ADAM22: variants seen among roughly 807,000 people sequenced by gnomAD.
ADAM22 encodes the protein disintegrin and metalloproteinase domain-containing protein 22.
In ADAM22, 65 loss-of-function variants were observed where a neutral mutation model predicts 144.6. The observed-to-expected ratio is 0.45, with a 90% confidence interval of 0.37 to 0.55. The LOEUF (loss-of-function observed/expected upper bound fraction) is 0.55. Among genes scored for constraint, ADAM22 ranks in the 20% least tolerant of loss-of-function variants. The pLI is 0.00. For synonymous variants in ADAM22, 391 were observed against 412.6 expected, an observed-to-expected ratio of 0.95 and a Z score of 0.63; for missense variants, 974 against 1,184.9, an observed-to-expected ratio of 0.82 and a Z score of 2.61.
intron 7 of ADAM22, among the ~76,000 whole-genome samples, chr7:88,122,269 C>A (rs987905057): frequency 2.0e-5 from 3 of 152,148 alleles, no homozygotes; most frequent in African/African-American, 7.2e-5. Context: ...GTAATGAAAG[C>A]CAGTAAGGAA....
chr7:88,140,617 A>C (rs1834330008), intron 14 of ADAM22, among the ~76,000 whole-genome samples: 1 of 152,098 alleles, frequency 6.6e-6, no homozygotes. Flanking sequence ...GAACTTTGGG[A>C]GGATCGCTTG....
chr7:88,163,293 A>G, intron 23 of ADAM22, 113 bp downstream of exon 23: 1 of 863,558 alleles, frequency 1.2e-6, no homozygotes, highest in East Asian at 3.2e-5. Context: ...TCATATTTCT[A>G]GTTGGTATAT....
intron 7 of ADAM22, 69 bp downstream of exon 7, chr7:88,116,883 T>A: frequency 8.5e-7 from 1 of 1,171,478 alleles, no homozygotes; most frequent in Non-Finnish European, 1.2e-6. Flanking sequence ...GCCTTAGAAC[T>A]AATCTATATT....
intron 3 of ADAM22, among the ~76,000 whole-genome samples, chr7:88,014,023 CATCTATG>C (rs1221588438): frequency 6.6e-6 from 1 of 152,172 alleles, no homozygotes; most frequent in Non-Finnish European, 1.5e-5. Context: ...TAAGGAGTAA[CATCTATG>C]AAATCATAGG....
rs1836152788 is a variant in ADAM22 at position 88,145,593 on chromosome 7, A to G, written c.1485+86A>G. 1.9e-5 allele frequency: 20 copies of G among 1,068,754 alleles called. No homozygotes were observed. In the South Asian group the frequency reaches 2.5e-4, roughly 13 times the overall value. 66.2% of individuals were successfully genotyped at this position (1,068,754 alleles called of 1,614,324 possible). A position where few individuals can be genotyped will look rare whatever the true frequency, so the allele number is the denominator to read the frequency against. ...GGCTGGGTAAATATAATCTAATAAC[A>G]GAAATAGTATCTAACATATATTAAA... is the stretch of plus-strand genomic sequence containing the variant. On this transcript the variant is annotated intron_variant, in intron 17 of 31. Transcript: ENST00000413139.
intron 4 of ADAM22, among the ~76,000 whole-genome samples, chr7:88,091,652 A>G (rs1819878214): frequency 6.6e-6 from 1 of 152,206 alleles, no homozygotes. Flanking sequence ...AAATGAAGGC[A>G]CAGAAAGTTT....
intron 20 of ADAM22, among the ~76,000 whole-genome samples, chr7:88,151,779 G>A (rs1838468804): frequency 6.6e-6 from 1 of 152,152 alleles, no homozygotes; most frequent in Non-Finnish European, 1.5e-5. Flanking sequence ...TTAAACTCTA[G>A]TTGGCTTTCC....
At chr7:88,158,615 A>G (rs1840669984) in intron 22 of ADAM22, among the ~76,000 whole-genome samples, 1 of 152,120 alleles carries the variant, frequency 6.6e-6, no homozygotes, top group South Asian at 2.1e-4. Context: ...TTTCAAAACC[A>G]TGCAATTATA....
rs35145003 is a variant in ADAM22, at chr7:88,083,587, T to TTGTGTGTGTGTG, written c.390+7931_390+7942dup. On this transcript the variant is annotated intron_variant, in intron 4 of 31. Transcript: ENST00000413139. ...TTTTTTTTCTCTTTTTACTTTGTGTTTGTGTGTGTGTGTGTGTGTGTGTGT... is the reference window on the plus strand; with the variant it reads ...TTTTTTTTCTCTTTTTACTTTGTGTTTGTGTGTGTGTGTGTGTGTGTGTGTGTGTGTGTGTGT... 4.0e-3 allele frequency among the ~76,000 whole-genome samples: 501 copies of TTGTGTGTGTGTG among 126,710 alleles called. 5 individuals carry two copies. Among genetic ancestry groups the TTGTGTGTGTGTG allele is most frequent in the African/African-American group, 0.014 (469 of 33,526 alleles). The allele number at this position is 126,710 out of a possible 152,430, so 83.1% of individuals were successfully genotyped here.
chr7:88,070,173 T>G (rs1386785068), intron 3 of ADAM22, among the ~76,000 whole-genome samples: 1 of 152,130 alleles, frequency 6.6e-6, no homozygotes, highest in Non-Finnish European at 1.5e-5. Context: ...TTTACCCCAT[T>G]AGACAAATCC....
chr7:88,056,925 G>A (rs1444063949), intron 3 of ADAM22, among the ~76,000 whole-genome samples: 2 of 152,120 alleles, frequency 1.3e-5, no homozygotes, highest in East Asian at 3.8e-4. Context: ...ATTTAAGCCA[G>A]TTTTAGGAGT....
At chr7:87,973,484 TTGG>T (rs1851032316) in intron 2 of ADAM22, among the ~76,000 whole-genome samples, 2 of 152,022 alleles carry the variant, frequency 1.3e-5, no homozygotes, top group Non-Finnish European at 2.9e-5. Context: ...TTTTACACTG[TTGG>T]TGGGACTGTA....
At chr7:88,105,192 A>G (rs1824024789) in intron 4 of ADAM22, among the ~76,000 whole-genome samples, 1 of 152,128 alleles carries the variant, frequency 6.6e-6, no homozygotes, top group African/African-American at 2.4e-5. Context: ...CTAGTCTGAT[A>G]CCATAATTCT....
intron 3 of ADAM22, among the ~76,000 whole-genome samples, chr7:88,063,235 A>G (rs1361315009): frequency 6.6e-6 from 1 of 152,240 alleles, no homozygotes; most frequent in Non-Finnish European, 1.5e-5. Flanking sequence ...CCTGTATTCA[A>G]AGAGATAACT....
chr7:88,050,221 T>TA (rs1240990310), intron 3 of ADAM22, among the ~76,000 whole-genome samples: 6,595 of 70,364 alleles, frequency 0.094, 669 homozygotes, highest in African/African-American at 0.28. Context: ...CCATCTCTAC[T>TA]AAAAAAAAAA....
At chr7:88,119,972 C>G (rs1828854904) in intron 7 of ADAM22, among the ~76,000 whole-genome samples, 1 of 152,086 alleles carries the variant, frequency 6.6e-6, no homozygotes, top group Admixed American at 6.5e-5. Context: ...ACATGTTTAA[C>G]TATGTTGACA....
At chr7:88,068,830 C>T (rs1811960325) in intron 3 of ADAM22, among the ~76,000 whole-genome samples, 3 of 152,092 alleles carry the variant, frequency 2.0e-5, no homozygotes, top group Admixed American at 2.0e-4. Context: ...GCTTGGGCTT[C>T]CTGACAGCAT....
chr7:87,942,670 G>C (rs1293406488), intron 2 of ADAM22, among the ~76,000 whole-genome samples: 1 of 152,180 alleles, frequency 6.6e-6, no homozygotes, highest in Non-Finnish European at 1.5e-5. Flanking sequence ...AATGGAATTT[G>C]TGAGGATATC....
intron 3 of ADAM22, among the ~76,000 whole-genome samples, chr7:87,991,289 TTTA>T: frequency 6.6e-6 from 1 of 152,028 alleles, no homozygotes; most frequent in African/African-American, 2.4e-5. Flanking sequence ...ATTTCAGTTG[TTTA>T]TTATCATCTT....
Sources: gnomAD v4.1 joint callset for allele counts (sites outside exome capture counted in the v4.1 genomes callset) on GRCh38, gnomAD v4.1.1 for gene constraint, MANE v1.5 for transcripts, NCBI Gene and HGNC (gene_info 2026-07-23, HGNC 2026-07-21) for gene names.